COMMD1: variants seen among roughly 807,000 people sequenced by gnomAD.
COMMD1 encodes the protein COMM domain-containing protein 1.
Under a neutral mutation model 17.2 loss-of-function variants are expected in COMMD1, and 10 were observed. That is an observed-to-expected ratio of 0.58 (90% CI 0.36 to 0.99). The LOEUF (loss-of-function observed/expected upper bound fraction) is 0.99. COMMD1 is among the 50% of genes least tolerant of loss of function. The pLI is 0.01. For synonymous variants in COMMD1, 97 were observed against 91.6 expected, an observed-to-expected ratio of 1.06 and a Z score of -0.34; for missense variants, 270 against 231.8, an observed-to-expected ratio of 1.17 and a Z score of -1.07.
At chr2:61,962,117 G>C (rs1671356997) in intron 1 of COMMD1, among the ~76,000 whole-genome samples, 1 of 152,188 alleles carries the variant, frequency 6.6e-6, no homozygotes, top group African/African-American at 2.4e-5. Flanking sequence ...TATGGGCATA[G>C]CTGAAGGCCT....
At chr2:62,040,753 C>G (rs1381010631) in intron 2 of COMMD1, among the ~76,000 whole-genome samples, 1 of 152,082 alleles carries the variant, frequency 6.6e-6, no homozygotes, top group African/African-American at 2.4e-5. Context: ...CTCTGTCACC[C>G]AAGCTAGAGT....
chr2:61,909,340 G>T (rs545289903), intron 1 of COMMD1, among the ~76,000 whole-genome samples: 27 of 152,182 alleles, frequency 1.8e-4, no homozygotes, highest in Middle Eastern at 3.2e-3. Flanking sequence ...AAATAGAATT[G>T]TGAGTAAGCA....
chr2:61,903,817 C>T (rs1039835040), upstream of COMMD1, among the ~76,000 whole-genome samples: 1 of 151,888 alleles, frequency 6.6e-6, no homozygotes, highest in Non-Finnish European at 1.5e-5. Context: ...GCTGGGGTTA[C>T]AGGCGTGAGC....
chr2:61,944,380 A>T (rs1670849763), intron 1 of COMMD1, among the ~76,000 whole-genome samples: 2 of 152,034 alleles, frequency 1.3e-5, no homozygotes, highest in African/African-American at 4.8e-5. Flanking sequence ...GAGCCTGGGA[A>T]GTTGAGACTG....
rs113248264 is a variant in COMMD1 at position 62,056,571 on chromosome 2, A to T, written c.462+55589A>T. On this transcript the variant is annotated intron_variant, in intron 2 of 2. Coordinates refer to ENST00000311832, the MANE Select transcript of COMMD1 (RefSeq NM_152516.4). ...CGGCAGATAAAGTGGCTGCGTTCAAAGCCAAACTGGAATTATGGGGGCGAT... is the reference window on the plus strand; with the variant it reads ...CGGCAGATAAAGTGGCTGCGTTCAATGCCAAACTGGAATTATGGGGGCGAT... Among the ~76,000 whole-genome samples the T allele has an allele frequency of 2.2e-3, 342 of 152,356 alleles. 3 individuals are homozygous for T. The highest frequency in any genetic ancestry group is 8.1e-3 in the African/African-American group (337 of 41,588).
At chr2:61,955,676 A>G (rs1441661884) in intron 1 of COMMD1, among the ~76,000 whole-genome samples, 1 of 152,108 alleles carries the variant, frequency 6.6e-6, no homozygotes, top group African/African-American at 2.4e-5. Context: ...TGCATTCTCA[A>G]TAGGGACAAG....
chr2:62,127,374 T>C (rs1672912478), intron 2 of COMMD1, among the ~76,000 whole-genome samples: 1 of 152,204 alleles, frequency 6.6e-6, no homozygotes, highest in South Asian at 2.1e-4. Flanking sequence ...TAGAAGAAAG[T>C]ATTTTAAAAT....
chr2:62,011,277 G>A (rs776368133), intron 2 of COMMD1, among the ~76,000 whole-genome samples: 4 of 152,104 alleles, frequency 2.6e-5, no homozygotes, highest in Non-Finnish European at 5.9e-5. Context: ...ATTTTGGCTG[G>A]TGTACATGTC....
chr2:62,121,885 G>T (rs151121809), intron 2 of COMMD1, among the ~76,000 whole-genome samples: 1 of 152,112 alleles, frequency 6.6e-6, no homozygotes, highest in Non-Finnish European at 1.5e-5. Flanking sequence ...TCTATCTCCC[G>T]GGCTCAGGTG....
At chr2:61,916,591 TA>T (rs1166271733) in intron 1 of COMMD1, among the ~76,000 whole-genome samples, 1 of 150,928 alleles carries the variant, frequency 6.6e-6, no homozygotes, top group East Asian at 2.0e-4. Context: ...CCGGCTAATT[TA>T]AAAAAAAAAT....
chr2:61,893,424 T>A (rs1198546953), intron 1 of COMMD1, among the ~76,000 whole-genome samples: 2 of 150,368 alleles, frequency 1.3e-5, no homozygotes, highest in African/African-American at 4.9e-5. Context: ...CAAAGGAGGG[T>A]GCTGGCAAAC....
At position 61,925,460 on chromosome 2, in the gene COMMD1, CAT is replaced by C. The variant is rs910619812; in HGVS notation, c.180+19605_180+19606del. On this transcript the variant is annotated intron_variant, in intron 1 of 2. Coordinates refer to ENST00000311832, the MANE Select transcript of COMMD1 (RefSeq NM_152516.4). Reference sequence around the variant, plus strand: ...GGTTGTTTGCTGGTTAATTTTGCCACATATCACCTTGTGACGTTTATTACAGG... The same window carrying C: ...GGTTGTTTGCTGGTTAATTTTGCCACATCACCTTGTGACGTTTATTACAGG... 3.9e-5 allele frequency among the ~76,000 whole-genome samples: 6 copies of C among 152,200 alleles called. No homozygotes were observed. In the East Asian group the frequency reaches 1.2e-3, roughly 29 times the overall value.
chr2:61,907,740 G>A (rs1412622271), intron 1 of COMMD1, among the ~76,000 whole-genome samples: 2 of 152,072 alleles, frequency 1.3e-5, no homozygotes, highest in African/African-American at 2.4e-5. Flanking sequence ...GCCCAGGCTG[G>A]AGTGCAATGG....
intron 2 of COMMD1, among the ~76,000 whole-genome samples, chr2:62,089,960 C>T (rs1410487635): frequency 6.6e-6 from 1 of 152,110 alleles, no homozygotes; most frequent in Non-Finnish European, 1.5e-5. Flanking sequence ...AGGCTCATTC[C>T]TAGAGTAGTC....
intron 2 of COMMD1, among the ~76,000 whole-genome samples, chr2:62,024,117 TAATA>T (rs1266249747): frequency 3.3e-5 from 5 of 152,236 alleles, no homozygotes; most frequent in Admixed American, 6.5e-5. Flanking sequence ...AATCCAAATT[TAATA>T]AATAAATATT....
intron 1 of COMMD1, among the ~76,000 whole-genome samples, chr2:61,940,691 CT>C (rs557857376): frequency 4.4e-3 from 633 of 143,528 alleles, no homozygotes; most frequent in African/African-American, 6.4e-3. Context: ...GGGATGAATT[CT>C]TTTTTTTTTT....
At chr2:62,065,029 A>G (rs1456417957) in intron 2 of COMMD1, among the ~76,000 whole-genome samples, 2 of 152,050 alleles carry the variant, frequency 1.3e-5, no homozygotes, top group African/African-American at 2.4e-5. Flanking sequence ...TTAGCTGGGC[A>G]TGGCGGCAAG....
intron 2 of COMMD1, among the ~76,000 whole-genome samples, chr2:62,016,830 G>A (rs887198509): frequency 2.0e-5 from 3 of 151,824 alleles, no homozygotes; most frequent in African/African-American, 7.3e-5. Flanking sequence ...TTCTACTAAG[G>A]GTTCTATAGT....
chr2:62,088,342 C>T (rs1482870430), intron 2 of COMMD1, among the ~76,000 whole-genome samples: 1 of 152,182 alleles, frequency 6.6e-6, no homozygotes, highest in Non-Finnish European at 1.5e-5. Flanking sequence ...TTCTCAAAAA[C>T]TCAGATCTAC....
Sources: allele counts gnomAD v4.1 joint callset (sites outside exome capture counted in the v4.1 genomes callset), GRCh38; gene constraint gnomAD v4.1.1; transcripts MANE v1.5; gene names NCBI Gene and HGNC (gene_info 2026-07-23, HGNC 2026-07-21).